Variants in MOCS1 observed in about 807,000 individuals in gnomAD.
The protein encoded by MOCS1 is molybdenum cofactor synthesis 1, also known as molybdenum cofactor biosynthesis protein 1.
MOCS1 carries 39 observed loss-of-function variants against 57.6 expected under a neutral mutation model. The ratio of observed to expected loss-of-function variants is 0.68; its 90% CI spans 0.52 to 0.88. The LOEUF (loss-of-function observed/expected upper bound fraction) is 0.88. Ranked by LOEUF, MOCS1 falls within the 40% of genes least tolerant of loss-of-function variation. The pLI is 0.00. For missense variants in MOCS1, 795 were observed against 831.1 expected (o/e 0.96, Z 0.53); for synonymous variants, 334 against 335.7 (o/e 1.00, Z 0.05).
chr6:39,913,301 A>G lies in MOCS1; in HGVS notation c.757+16T>C. ...AACCCCTTCTTCCCTCCCTCAACCC[A>G]TCCCTGGTCACTGACCATCAAAGGG... is the stretch of plus-strand genomic sequence containing the variant. On this transcript the variant is annotated intron_variant, in intron 6 of 10. Transcript: ENST00000340692. The G allele has an allele frequency of 6.2e-7, 1 of 1,608,508 alleles. No homozygotes were observed. The highest frequency in any genetic ancestry group is 8.5e-7 in the Non-Finnish European group (1 of 1,174,984).
chr6:39,916,165 C>A lies in MOCS1; in HGVS notation c.486G>T (p.Arg162=). 2 of 1,614,024 alleles carry A rather than the reference C, an allele frequency of 1.2e-6. No homozygotes were observed. Among genetic ancestry groups the A allele is most frequent in the African/African-American group, 1.3e-5 (1 of 75,034 alleles). Residue 162 remains arginine, a synonymous_variant, in exon 4 of 11, where the codon CGG becomes CGT. Transcript: ENST00000340692. ...CAGCCTTCTGAAGCTGGGGCAGTAG[C>A]CGGGCCAGGTTGATGCCATTGGTGG... The part of the protein sequence containing the change: ...GVTTNGINLA[R]LLPQLQKAGL...
At chr6:39,908,776 T>G (rs1322499938) in intron 10 of MOCS1, among the ~76,000 whole-genome samples, 1 of 152,100 alleles carries the variant, frequency 6.6e-6, no homozygotes, top group Admixed American at 6.5e-5. Flanking sequence ...AGCCACTAAC[T>G]TAGTGATCAT....
chr6:39,908,945 T>G, intron 10 of MOCS1, 110 bp downstream of exon 10: 1 of 919,638 alleles, frequency 1.1e-6, no homozygotes, highest in Non-Finnish European at 1.8e-6. Flanking sequence ...AAAACAAGGA[T>G]GAGAAATCAG....
intron 8 of MOCS1, among the ~76,000 whole-genome samples, chr6:39,912,018 A>G (rs537496200): frequency 1.1e-4 from 16 of 152,326 alleles, no homozygotes; most frequent in African/African-American, 3.1e-4. Flanking sequence ...GGAGCTCCCA[A>G]TAAACCAGAA....
At chr6:39,919,063 C>T (rs1015076833) in intron 3 of MOCS1, among the ~76,000 whole-genome samples, 6 of 152,084 alleles carry the variant, frequency 3.9e-5, no homozygotes, top group African/African-American at 1.4e-4. Flanking sequence ...GCAAAGAATG[C>T]GAGTAGATAA....
intron 3 of MOCS1, among the ~76,000 whole-genome samples, chr6:39,921,756 G>A (rs2149413987): frequency 6.6e-6 from 1 of 152,298 alleles, no homozygotes; most frequent in South Asian, 2.1e-4. Flanking sequence ...AGGAAAGGAA[G>A]AAGCTGCCGC....
At chr6:39,930,371 C>A (rs989658296) in intron 1 of MOCS1, among the ~76,000 whole-genome samples, 3 of 152,132 alleles carry the variant, frequency 2.0e-5, no homozygotes, top group African/African-American at 7.2e-5. Flanking sequence ...TCCCAGGGTC[C>A]CAGGCTGGCC....
rs576544564 is a variant in MOCS1, at chr6:39,910,765, A to T, written c.982-810T>A. On this transcript the variant is annotated intron_variant, in intron 8 of 10. Coordinates refer to ENST00000340692, the MANE Select transcript of MOCS1 (RefSeq NM_001358530.2). ...ATGCCTCGCTCCCCAACCAGCCTCC[A>T]GGTTCCCTTCTCTGCAACAAAGAGG... Among the ~76,000 whole-genome samples, 4 of 152,258 alleles carry T rather than the reference A, an allele frequency of 2.6e-5. No individual in the cohort carries two copies. In the South Asian group the frequency reaches 8.3e-4, roughly 32 times the overall value.
At chr6:39,910,524 G>T (rs1490483745) in intron 8 of MOCS1, among the ~76,000 whole-genome samples, 1 of 152,242 alleles carries the variant, frequency 6.6e-6, no homozygotes, top group Non-Finnish European at 1.5e-5. Flanking sequence ...CTCAGCTTCT[G>T]TAAGAGGGAT....
chr6:39,928,124 C>T (rs554086833), intron 1 of MOCS1, among the ~76,000 whole-genome samples: 60 of 151,822 alleles, frequency 4.0e-4, no homozygotes, highest in African/African-American at 1.4e-3. Context: ...AGAACACCCT[C>T]GGCAGAAGCA....
rs143676959 is a variant in MOCS1 at position 39,928,196 on chromosome 6, G to C, written c.124-741C>G. On this transcript the variant is annotated intron_variant, in intron 1 of 10. Transcript: ENST00000340692. Reference sequence around the variant, plus strand: ...TTTTTTTTTTTTGAGATGGAGTCTCGCTCTTTTGCCCAGGCTGGAGTGCAG... The same window carrying C: ...TTTTTTTTTTTTGAGATGGAGTCTCCCTCTTTTGCCCAGGCTGGAGTGCAG... Among the ~76,000 whole-genome samples the C allele has an allele frequency of 9.6e-3, 1,415 of 147,334 alleles. 15 individuals carry two copies. The highest frequency in any genetic ancestry group is 0.014 in the Middle Eastern group (4 of 290).
chr6:39,912,804 C>A, intron 7 of MOCS1, 88 bp downstream of exon 7: 1 of 1,017,916 alleles, frequency 9.8e-7, no homozygotes, highest in Non-Finnish European at 1.6e-6. Flanking sequence ...AGCATCCCCA[C>A]CACAGTGCAG....
chr6:39,912,909 C>T lies in MOCS1; in HGVS notation c.853G>A (p.Glu285Lys), dbSNP rs140243105. 9.9e-4 allele frequency: 1,605 copies of T among 1,614,142 alleles called. 3 individuals carry two copies. The highest frequency in any genetic ancestry group is 1.4e-3 in the Admixed American group (85 of 60,028). Residue 285 changes from glutamate (E) to lysine (K), a missense_variant, in exon 7 of 11, where the codon GAA becomes AAA. Glu to Lys is a moderately conservative substitution (Grantham distance 56). Transcript: ENST00000340692. ...WPELEKVPEE[E>K]SSTAKAFKIP... ...TCCCTAACCTTGGCTGTGCTGGATTCCTCCTCTGGCACCTTCTCCAGCTCT... is the reference window on the plus strand; with the variant it reads ...TCCCTAACCTTGGCTGTGCTGGATTTCTCCTCTGGCACCTTCTCCAGCTCT...
chr6:39,924,368 C>T (rs1264763255), intron 3 of MOCS1, among the ~76,000 whole-genome samples: 1 of 152,134 alleles, frequency 6.6e-6, no homozygotes, highest in African/African-American at 2.4e-5. Context: ...ACGTGTCAGG[C>T]ACGGTACTGG....
Position 39,912,321 on chromosome 6 carries a change from A to T in MOCS1, c.924T>A (p.Ser308=). The change falls in exon 8 of 11, where the codon TCT becomes TCA. Residue 308 remains serine, a synonymous_variant. Transcript: ENST00000340692. The part of the protein sequence containing the change: ...QGQISFITSM[S]EHFCGTCNRL... ...GGTTGCAGGTCCCACAGAAATGCTC[A>T]GACATGGATGTGATGAAGCTGATCT... 1.9e-6 allele frequency: 3 copies of T among 1,614,092 alleles called. No individual in the cohort carries two copies. The highest frequency in any genetic ancestry group is 2.5e-6 in the Non-Finnish European group (3 of 1,180,018).
chr6:39,921,652 G>A (rs1767978330), intron 3 of MOCS1, among the ~76,000 whole-genome samples: 1 of 152,134 alleles, frequency 6.6e-6, no homozygotes, highest in South Asian at 2.1e-4. Context: ...GCCTCTCATG[G>A]GCTTTAAGCT....
At position 39,905,643 on chromosome 6, in the gene MOCS1, G is replaced by A. The variant is rs1322873283; in HGVS notation, c.*714C>T. On this transcript the variant is annotated 3_prime_UTR_variant, in exon 11 of 11. Coordinates refer to ENST00000340692, the MANE Select transcript of MOCS1 (RefSeq NM_001358530.2). ...GGGTGGGTGGAACAGCCGTGAACAG[G>A]GCCAGGTGTGGGCTGTGTGGTCTGG... The A allele has an allele frequency of 8.5e-6, 4 of 471,080 alleles. No homozygotes were observed. The highest frequency in any genetic ancestry group is 1.8e-5 in the Non-Finnish European group (4 of 227,084). The allele number at this position is 471,080 out of a possible 1,614,324, so 29.2% of individuals were successfully genotyped here.
At chr6:39,914,439 C>T (rs1396106845) in intron 4 of MOCS1, among the ~76,000 whole-genome samples, 1 of 152,244 alleles carries the variant, frequency 6.6e-6, no homozygotes, top group African/African-American at 2.4e-5. Flanking sequence ...TCAACACATA[C>T]TCTCTGAGCA....
rs762044874 is a variant in MOCS1, at chr6:39,912,387, G to A, written c.871-13C>T. On this transcript the variant is annotated splice_polypyrimidine_tract_variant and intron_variant, in intron 7 of 10. Coordinates refer to ENST00000340692, the MANE Select transcript of MOCS1 (RefSeq NM_001358530.2). The stretch of plus-strand genomic sequence containing the variant: ...GGATTTTAAAGGCCTGGGCAGGGGA[G>A]AGTGGGAGCAAAAGGGCAGTGGAGG... 2 of 1,594,462 alleles carry A rather than the reference G, an allele frequency of 1.3e-6. No homozygotes were observed. Among genetic ancestry groups the A allele is most frequent in the South Asian group, 1.1e-5 (1 of 90,642 alleles).
Sources: allele counts gnomAD v4.1 joint callset (sites outside exome capture counted in the v4.1 genomes callset), GRCh38; gene constraint gnomAD v4.1.1; transcripts MANE v1.5; gene names NCBI Gene and HGNC (gene_info 2026-07-23, HGNC 2026-07-21).